Variants in ATP7B observed in about 807,000 individuals in gnomAD.
ATP7B encodes the protein ATPase copper transporting beta.
A neutral mutation model predicts 118.9 loss-of-function variants in ATP7B; 113 were observed. That is an observed-to-expected ratio of 0.95 (90% confidence interval 0.82 to 1.11). The LOEUF (loss-of-function observed/expected upper bound fraction) is 1.11, where lower values mean the gene tolerates loss of function less well. Among genes scored for constraint, ATP7B ranks in the 50% most tolerant of loss-of-function variants. The probability of loss-of-function intolerance (pLI) is 0.00; values close to 1 mark genes in which losing one functional copy is unlikely to be tolerated. For synonymous variants in ATP7B, 777 were observed against 727.4 expected, an observed-to-expected ratio of 1.07 and a Z score of -1.10; for missense variants, 1,867 against 1,871.4, an observed-to-expected ratio of 1.00 and a Z score of 0.04.
At chr13:52,010,963 C>G (rs909537547) in intron 1 of ATP7B, among the ~76,000 whole-genome samples, 1 of 152,240 alleles carries the variant, frequency 6.6e-6, no homozygotes, top group Non-Finnish European at 1.5e-5. Flanking sequence ...TGAGTAACTT[C>G]TCCAGGTAAC....
Position 51,942,418 on chromosome 13 carries a change from A to G in ATP7B, c.3380T>C (p.Leu1127Pro). ...ERPLSAPASH[L>P]NEAGSLPAEK... Reference sequence around the variant, plus strand: ...TGCGGGAAGGCTGCCAGCCTCATTCAGGTGACTGGCCGGTGCACTCAAAGG... The same window carrying G: ...TGCGGGAAGGCTGCCAGCCTCATTCGGGTGACTGGCCGGTGCACTCAAAGG... Residue 1127 changes from leucine (L) to proline (P), a missense_variant, in exon 15 of 21, where the codon CTG (leucine) becomes CCG (proline). Transcript: ENST00000242839. 1 of 1,614,228 alleles carries G rather than the reference A, an allele frequency of 6.2e-7. No homozygotes were observed. Among genetic ancestry groups the G allele is most frequent in the African/African-American group, 1.3e-5 (1 of 75,064 alleles).
chr13:51,951,005 C>T (rs1442561524), intron 9 of ATP7B, among the ~76,000 whole-genome samples: 1 of 152,036 alleles, frequency 6.6e-6, no homozygotes, highest in Non-Finnish European at 1.5e-5. Flanking sequence ...TGGAGCAGAG[C>T]ATGGGTTTTG....
Position 51,944,094 on chromosome 13 carries a change from C to G in ATP7B, c.3243+15G>C, listed in dbSNP as rs1306872300. On this transcript the variant is annotated intron_variant, in intron 14 of 20. Coordinates refer to ENST00000242839, the MANE Select transcript of ATP7B (RefSeq NM_000053.4). The stretch of plus-strand genomic sequence containing the variant: ...CATTGGCGGGGAGGGCAGGGCCACG[C>G]CCAAGTCCACGTACCTCTTTACAGT... The G allele has an allele frequency of 6.2e-6, 10 of 1,613,840 alleles. No individual in the cohort carries two copies. Among genetic ancestry groups the G allele is most frequent in the African/African-American group, 1.3e-5 (1 of 74,888 alleles).
chr13:51,991,706 T>G (rs937259565), intron 1 of ATP7B, among the ~76,000 whole-genome samples: 3 of 152,114 alleles, frequency 2.0e-5, no homozygotes, highest in Non-Finnish European at 4.4e-5. Flanking sequence ...AGAGCCTCAG[T>G]GGCAGGCACC....
Position 52,011,409 on chromosome 13 carries a change from G to A in ATP7B, c.-72C>T. 1 of 1,607,228 alleles carries A rather than the reference G, an allele frequency of 6.2e-7. No individual in the cohort carries two copies. Among genetic ancestry groups the A allele is most frequent in the Non-Finnish European group, 8.5e-7 (1 of 1,174,074 alleles). ...AAGGTCACCTGGTCGGTGGAGGAGA[G>A]CGGGGTGTTAAAGTCCCGGGAGAGG... is the stretch of plus-strand genomic sequence containing the variant. On this transcript the variant is annotated 5_prime_UTR_variant, in exon 1 of 21. Coordinates refer to ENST00000242839, the MANE Select transcript of ATP7B (RefSeq NM_000053.4).
chr13:51,991,989 T>A (rs926622453), intron 1 of ATP7B, among the ~76,000 whole-genome samples: 6 of 152,164 alleles, frequency 3.9e-5, no homozygotes, highest in African/African-American at 1.4e-4. Context: ...GACTCTGAGC[T>A]TTTACCAGTT....
intron 2 of ATP7B, among the ~76,000 whole-genome samples, chr13:51,972,722 G>A (rs1271802229): frequency 1.3e-5 from 2 of 152,220 alleles, no homozygotes; most frequent in African/African-American, 4.8e-5. Flanking sequence ...GATGGTGGCT[G>A]AGCATAGTGG....
chr13:51,983,624 C>G (rs954145693), intron 1 of ATP7B, among the ~76,000 whole-genome samples: 7 of 149,220 alleles, frequency 4.7e-5, no homozygotes, highest in African/African-American at 1.7e-4. Context: ...CCAGGAGACA[C>G]CCCCCAGCAG....
At chr13:51,955,075 A>G (rs1433135286) in intron 9 of ATP7B, among the ~76,000 whole-genome samples, 2 of 152,210 alleles carry the variant, frequency 1.3e-5, no homozygotes, top group African/African-American at 4.8e-5. Flanking sequence ...GTAAAGAGAA[A>G]GCACAAGTGT....
At chr13:51,991,958 C>T (rs191508680) in intron 1 of ATP7B, among the ~76,000 whole-genome samples, 66 of 152,150 alleles carry the variant, frequency 4.3e-4, no homozygotes, top group Admixed American at 3.6e-3. Context: ...GGGAGAGGAG[C>T]GGGCGGAAAT....
chr13:52,010,873 T>C (rs1953993219), intron 1 of ATP7B, among the ~76,000 whole-genome samples: 1 of 152,236 alleles, frequency 6.6e-6, no homozygotes, highest in Non-Finnish European at 1.5e-5. Context: ...ATGTATTACT[T>C]GTACAATTAA....
At chr13:51,951,832 T>C (rs564059481) in intron 9 of ATP7B, among the ~76,000 whole-genome samples, 2 of 152,070 alleles carry the variant, frequency 1.3e-5, no homozygotes, top group African/African-American at 4.8e-5. Flanking sequence ...GAGTTACACA[T>C]TGAAAAAAGA....
chr13:51,999,607 C>T lies in ATP7B; in HGVS notation c.51+11680G>A, dbSNP rs185920952. Among the ~76,000 whole-genome samples, 5 of 152,308 alleles carry T rather than the reference C, an allele frequency of 3.3e-5. No homozygotes were observed. In the East Asian group the frequency reaches 9.6e-4, roughly 29 times the overall value. ...TCCATTTCACAGTTCATTCCATGCA[C>T]CTTCGACTTCGCTGGCTGCCCTCAT... On this transcript the variant is annotated intron_variant, in intron 1 of 20. Coordinates refer to ENST00000242839, the MANE Select transcript of ATP7B (RefSeq NM_000053.4).
At chr13:51,964,103 C>G (rs1392763078) in intron 5 of ATP7B, among the ~76,000 whole-genome samples, 5 of 146,376 alleles carry the variant, frequency 3.4e-5, no homozygotes, top group Non-Finnish European at 7.5e-5. Flanking sequence ...CAGCATCTCT[C>G]TTTAAACACA....
Position 51,972,027 on chromosome 13 carries a change from A to G in ATP7B, c.1286-1278T>C, listed in dbSNP as rs1240481065. Among the ~76,000 whole-genome samples the G allele has an allele frequency of 7.2e-5, 11 of 152,238 alleles. No individual in the cohort carries two copies. In the South Asian group the frequency reaches 2.3e-3, roughly 31 times the overall value. ...CCTGGTCCAGTCCACAGAGACACGC[A>G]CGGGCAGGGCCCATGTCTGGGACCT... On this transcript the variant is annotated intron_variant, in intron 2 of 20. Coordinates refer to ENST00000242839, the MANE Select transcript of ATP7B (RefSeq NM_000053.4).
At chr13:51,962,889 C>T (rs1039759051) in intron 5 of ATP7B, among the ~76,000 whole-genome samples, 5 of 151,930 alleles carry the variant, frequency 3.3e-5, no homozygotes, top group African/African-American at 9.7e-5. Flanking sequence ...GTCAGGAGTT[C>T]GAGACCAGCC....
intron 3 of ATP7B, among the ~76,000 whole-genome samples, chr13:51,969,592 T>C (rs1951741573): frequency 6.6e-6 from 1 of 151,952 alleles, no homozygotes; most frequent in Admixed American, 6.6e-5. Flanking sequence ...TAGTTTTACA[T>C]GGGAAAAAAA....
intron 1 of ATP7B, among the ~76,000 whole-genome samples, chr13:51,977,697 G>C (rs1952194727): frequency 6.6e-6 from 1 of 152,178 alleles, no homozygotes; most frequent in Non-Finnish European, 1.5e-5. Context: ...GTACAGAATT[G>C]TATGTGCTCT....
chr13:51,977,827 A>G (rs1315981537), intron 1 of ATP7B, among the ~76,000 whole-genome samples: 1 of 152,214 alleles, frequency 6.6e-6, no homozygotes, highest in Non-Finnish European at 1.5e-5. Flanking sequence ...GGAATTTTTC[A>G]GTTTCATTGT....
Sources: gnomAD v4.1 joint callset for allele counts (sites outside exome capture counted in the v4.1 genomes callset) on GRCh38, gnomAD v4.1.1 for gene constraint, MANE v1.5 for transcripts, NCBI Gene and HGNC (gene_info 2026-07-23, HGNC 2026-07-21) for gene names.